MCC: variants seen among roughly 807,000 people sequenced by gnomAD.
MCC encodes the protein colorectal mutant cancer protein.
Under a neutral mutation model 116.2 loss-of-function variants are expected in MCC, and 90 were observed. That is an observed-to-expected ratio of 0.77 (90% CI 0.65 to 0.92). MCC has a LOEUF of 0.92. MCC is among the 40% of genes least tolerant of loss of function. The pLI, the probability that MCC is intolerant of heterozygous loss-of-function variation, is 0.00. For synonymous variants in MCC, 578 were observed against 510.5 expected (o/e 1.13, Z -1.78); for missense variants, 1,516 against 1,312.2 (o/e 1.16, Z -2.40).
At chr5:113,179,427 C>T (rs1227653395) in intron 3 of MCC, among the ~76,000 whole-genome samples, 1 of 152,204 alleles carries the variant, frequency 6.6e-6, no homozygotes, top group African/African-American at 2.4e-5. Context: ...TCAGGCAGTG[C>T]TCAGTACTCT....
In MCC at chr5:113,133,444, T is replaced by C. The variant is rs375994156; in HGVS notation, c.884+9774A>G. On this transcript the variant is annotated intron_variant, in intron 5 of 18. Coordinates refer to ENST00000408903, the MANE Select transcript of MCC (RefSeq NM_001085377.2). ...TGTAACATAGCAACCTCCAGTTCCA[T>C]TCATGTTGCTGTGACAGGATTTCAT... Among the ~76,000 whole-genome samples, 38 of 152,226 alleles carry C rather than the reference T, an allele frequency of 2.5e-4. No individual in the cohort carries two copies. In the East Asian group the frequency reaches 5.6e-3, roughly 22 times the overall value.
intron 1 of MCC, among the ~76,000 whole-genome samples, chr5:113,405,819 A>G (rs1769816813): frequency 6.6e-6 from 1 of 152,154 alleles, no homozygotes; most frequent in South Asian, 2.1e-4. Context: ...AAAAAAAGAA[A>G]AAAGAAAAAA....
Position 113,463,060 on chromosome 5 carries a change from A to C in MCC, c.170+25185T>G, listed in dbSNP as rs375413853. Among the ~76,000 whole-genome samples the C allele has an allele frequency of 1.1e-4, 16 of 152,342 alleles. 1 individual carries two copies. The East Asian group carries it at 1.7e-3, about 17-fold the overall frequency. On this transcript the variant is annotated intron_variant, in intron 1 of 18. Coordinates refer to ENST00000408903, the MANE Select transcript of MCC (RefSeq NM_001085377.2). ...GGCTGAAAAAGTGTCCCCTGAGCTG[A>C]GTTTACAGTTTGAGAACAGCTGGAT...
intron 3 of MCC, among the ~76,000 whole-genome samples, chr5:113,268,611 T>C (rs1482063199): frequency 6.6e-6 from 1 of 152,208 alleles, no homozygotes; most frequent in Non-Finnish European, 1.5e-5. Flanking sequence ...CCTAGGATAC[T>C]GCTATATACA....
chr5:113,170,661 C>T (rs1321470507), intron 3 of MCC, among the ~76,000 whole-genome samples: 1 of 152,152 alleles, frequency 6.6e-6, no homozygotes, highest in Admixed American at 6.5e-5. Context: ...TTATATATAA[C>T]TCTCCTTACT....
chr5:113,154,453 C>G, intron 3 of MCC, among the ~76,000 whole-genome samples: 1 of 152,226 alleles, frequency 6.6e-6, no homozygotes, highest in South Asian at 2.1e-4. Flanking sequence ...CCTTGACCTC[C>G]TGGACGGAGT....
chr5:113,432,320 C>CAAAAAAAAAAAAAAAAAAAAAAAA (rs66577040), intron 1 of MCC, among the ~76,000 whole-genome samples: 1 of 68,612 alleles, frequency 1.5e-5, no homozygotes, highest in Non-Finnish European at 2.9e-5. Context: ...GACTCTGTCT[C>CAAAAAAAAAAAAAAAAAAAAAAAA]AAAAAAAAAA....
intron 3 of MCC, among the ~76,000 whole-genome samples, chr5:113,278,712 C>T (rs573449611): frequency 1.6e-4 from 25 of 152,190 alleles, no homozygotes; most frequent in Admixed American, 4.6e-4. Flanking sequence ...AGAATGTGAG[C>T]GACGTGGCTG....
rs773078902 is a variant in MCC, at chr5:113,104,271, C to A, written c.1112G>T (p.Cys371Phe). 6.2e-6 allele frequency: 10 copies of A among 1,614,062 alleles called. No homozygotes were observed. The highest frequency in any genetic ancestry group is 8.5e-6 in the Non-Finnish European group (10 of 1,180,024). Reference sequence around the variant, plus strand: ...GTCCACCTCGGCCACGGAGAGGCTGCAGCTGCTCTTCTTCCTGCCGCAGAC... The same window carrying A: ...GTCCACCTCGGCCACGGAGAGGCTGAAGCTGCTCTTCTTCCTGCCGCAGAC... ...NVVCGRKKSS[C>F]SLSVAEVDKH... Residue 371 changes from cysteine (C) to phenylalanine (F), a missense_variant, in exon 7 of 19, where the codon TGC (cysteine) becomes TTC (phenylalanine). Coordinates refer to ENST00000408903, the MANE Select transcript of MCC (RefSeq NM_001085377.2).
intron 2 of MCC, among the ~76,000 whole-genome samples, chr5:113,355,098 C>T (rs1020328783): frequency 3.3e-5 from 5 of 151,944 alleles, no homozygotes; most frequent in South Asian, 2.1e-4. Flanking sequence ...AATCCTAATT[C>T]GCATTTTGCC....
At chr5:113,323,902 A>C (rs750986566) in intron 3 of MCC, among the ~76,000 whole-genome samples, 4 of 152,206 alleles carry the variant, frequency 2.6e-5, no homozygotes, top group Non-Finnish European at 5.9e-5. Flanking sequence ...GTCTCTAATA[A>C]ATAATCTCAC....
intron 2 of MCC, among the ~76,000 whole-genome samples, chr5:113,350,878 A>T (rs1768250206): frequency 6.6e-6 from 1 of 152,132 alleles, no homozygotes; most frequent in Non-Finnish European, 1.5e-5. Flanking sequence ...TGGGCAAAAA[A>T]TATGAATAGA....
At chr5:113,457,347 T>C (rs896104737) in intron 1 of MCC, among the ~76,000 whole-genome samples, 7 of 152,226 alleles carry the variant, frequency 4.6e-5, no homozygotes, top group Non-Finnish European at 8.8e-5. Flanking sequence ...CCGTTGCTGC[T>C]CTGGATTTCT....
intron 13 of MCC, among the ~76,000 whole-genome samples, chr5:113,066,942 G>T (rs181534333): frequency 6.6e-6 from 1 of 152,276 alleles, no homozygotes; most frequent in Admixed American, 6.5e-5. Context: ...GAAGGCTAAG[G>T]GGGTGTCCGG....
intron 3 of MCC, chr5:113,294,780 C>A: frequency 1.0e-6 from 1 of 988,674 alleles, no homozygotes; most frequent in African/African-American, 1.7e-5. Context: ...CAGCACGAGC[C>A]GACACCCTAG....
At chr5:113,459,892 T>G (rs974627236) in intron 1 of MCC, among the ~76,000 whole-genome samples, 6 of 151,084 alleles carry the variant, frequency 4.0e-5, no homozygotes, top group Non-Finnish European at 8.8e-5. Flanking sequence ...CTTAGTTGTA[T>G]TCTGTGGATA....
intron 3 of MCC, among the ~76,000 whole-genome samples, chr5:113,261,165 T>C (rs1765206353): frequency 6.6e-6 from 1 of 152,204 alleles, no homozygotes; most frequent in African/African-American, 2.4e-5. Flanking sequence ...TAGCTTGGCC[T>C]AGCCTACTTT....
At chr5:113,230,359 T>C (rs574942273) in intron 3 of MCC, among the ~76,000 whole-genome samples, 1 of 152,346 alleles carries the variant, frequency 6.6e-6, no homozygotes, top group East Asian at 1.9e-4. Context: ...GGAGAACTTA[T>C]ATCTCATACA....
intron 1 of MCC, among the ~76,000 whole-genome samples, chr5:113,398,058 G>T (rs538711977): frequency 3.2e-4 from 49 of 152,116 alleles, no homozygotes; most frequent in Non-Finnish European, 6.3e-4. Flanking sequence ...AAGAAGACAC[G>T]CAAGTGGCCA....
Sources: gnomAD v4.1 joint callset for allele counts (sites outside exome capture counted in the v4.1 genomes callset) on GRCh38, gnomAD v4.1.1 for gene constraint, MANE v1.5 for transcripts, NCBI Gene and HGNC (gene_info 2026-07-23, HGNC 2026-07-21) for gene names.